MTMR14: variants seen among roughly 807,000 people sequenced by gnomAD.
The protein encoded by MTMR14 is phosphatidylinositol-3,5-bisphosphate 3-phosphatase MTMR14.
In MTMR14, 48 loss-of-function variants were observed where a neutral mutation model predicts 86.3. That is an observed-to-expected ratio of 0.56 (90% CI 0.44 to 0.71). The LOEUF (loss-of-function observed/expected upper bound fraction) is 0.71, where lower values mean the gene tolerates loss of function less well. Among genes scored for constraint, MTMR14 ranks in the 30% least tolerant of loss-of-function variants. MTMR14 has a pLI of 0.00. For synonymous variants in MTMR14, 366 were observed against 326.1 expected (o/e 1.12, Z -1.32); for missense variants, 780 against 834.6 (o/e 0.93, Z 0.81).
At chr3:9,656,760 A>G (rs2047631254) in intron 2 of MTMR14, among the ~76,000 whole-genome samples, 1 of 152,058 alleles carries the variant, frequency 6.6e-6, no homozygotes, top group African/African-American at 2.4e-5. Context: ...AAAGTTTCTG[A>G]ACAAGAGGGT....
Position 9,671,050 on chromosome 3 carries a change from G to A in MTMR14, c.557G>A (p.Ser186Asn), listed in dbSNP as rs1263017116. 23 of 1,614,032 alleles carry A rather than the reference G, an allele frequency of 1.4e-5. No individual in the cohort carries two copies. The highest frequency in any genetic ancestry group is 1.6e-4 in the Middle Eastern group (1 of 6,082). Residue 186 changes from serine (S) to asparagine (N), a missense_variant and splice_region_variant, in exon 6 of 19, where the codon AGT becomes AAT. Ser to Asn is a conservative substitution (Grantham distance 46). Coordinates refer to ENST00000296003, the MANE Select transcript of MTMR14 (RefSeq NM_001077525.3). The stretch of plus-strand genomic sequence containing the variant: ...CTCCCTCTGGCTCTTTATTTCAGAA[G>A]TGGTGACACGCATCTTTTTGATAAG... ...DVTEEDCALRSGDTHLFDKVR... is the reference protein window; with the variant it reads ...DVTEEDCALRNGDTHLFDKVR...
Position 9,697,755 on chromosome 3 carries a change from A to G in MTMR14, c.1658A>G (p.Tyr553Cys), listed in dbSNP as rs201626220. The change falls in exon 18 of 19, where the codon TAT (tyrosine) becomes TGT (cysteine). Residue 553 changes from tyrosine (Y) to cysteine (C), a missense_variant. Coordinates refer to ENST00000296003, the MANE Select transcript of MTMR14 (RefSeq NM_001077525.3). ...PLPGSSLSTDYGSWQMVTGCG... is the reference protein window; with the variant it reads ...PLPGSSLSTDCGSWQMVTGCG... ...CCCGGATCCTCTCTCTCCACAGACTATGGCAGCTGGCAGATGGTAACGGGC... is the reference window on the plus strand; with the variant it reads ...CCCGGATCCTCTCTCTCCACAGACTGTGGCAGCTGGCAGATGGTAACGGGC... The G allele has an allele frequency of 1.2e-4, 195 of 1,614,036 alleles. No homozygotes were observed. The African/African-American group carries it at 1.8e-3, about 15-fold the overall frequency.
intron 2 of MTMR14, among the ~76,000 whole-genome samples, chr3:9,658,827 G>A (rs2047759140): frequency 6.6e-6 from 1 of 152,212 alleles, no homozygotes; most frequent in Non-Finnish European, 1.5e-5. Context: ...ACCCAGTTTG[G>A]TAAGTGTGGT....
chr3:9,699,170 C>CAAA (rs113659946), intron 18 of MTMR14, among the ~76,000 whole-genome samples: 3 of 121,336 alleles, frequency 2.5e-5, no homozygotes, highest in African/African-American at 5.8e-5. Flanking sequence ...GAAACTCTCT[C>CAAA]AAAAAAAAAA....
chr3:9,674,523 CACGCCTTTAA>C (rs1249500269), intron 7 of MTMR14, among the ~76,000 whole-genome samples: 2 of 152,214 alleles, frequency 1.3e-5, no homozygotes, highest in Non-Finnish European at 2.9e-5. Context: ...CATGGTGGCT[CACGCCTTTAA>C]TCTCAGCACT....
At chr3:9,650,357 C>T (rs2047209325) in intron 1 of MTMR14, 1 of 456,582 alleles carries the variant, frequency 2.2e-6, no homozygotes, top group African/African-American at 2.0e-5. Context: ...GGAGGGCTTC[C>T]TGTCAGCTCA....
Position 9,690,161 on chromosome 3 carries a change from C to T in MTMR14, c.1613+18C>T. The T allele has an allele frequency of 6.2e-7, 1 of 1,613,156 alleles. No homozygotes were observed. The highest frequency in any genetic ancestry group is 8.5e-7 in the Non-Finnish European group (1 of 1,179,872). On this transcript the variant is annotated intron_variant, in intron 17 of 18. Coordinates refer to ENST00000296003, the MANE Select transcript of MTMR14 (RefSeq NM_001077525.3). ...AAACCCAGGTGAGGAGCTCCAAAGC[C>T]CTTGCTGTTGGAAGTGCCTAGCTTT...
chr3:9,665,230 C>T (rs371892683), intron 3 of MTMR14, among the ~76,000 whole-genome samples: 7 of 147,450 alleles, frequency 4.7e-5, no homozygotes, highest in East Asian at 4.0e-4. Flanking sequence ...TGCAGTGAGC[C>T]GAGATCGTGC....
At chr3:9,657,749 A>G (rs147682032) in intron 2 of MTMR14, among the ~76,000 whole-genome samples, 17 of 152,006 alleles carry the variant, frequency 1.1e-4, no homozygotes, top group African/African-American at 4.1e-4. Flanking sequence ...CGGGGTTTCA[A>G]CATCTTGGCC....
intron 1 of MTMR14, chr3:9,650,212 G>T: frequency 2.4e-6 from 1 of 421,516 alleles, no homozygotes. Flanking sequence ...GCATGACTTA[G>T]GCCCATCCCT....
intron 1 of MTMR14, 51 bp from the exon 2 acceptor site, chr3:9,653,570 C>T: frequency 6.2e-7 from 1 of 1,612,796 alleles, no homozygotes. Context: ...CTAATTCTCA[C>T]CCTCAGAACC....
chr3:9,702,068 A>G lies in MTMR14; in HGVS notation c.*95A>G, dbSNP rs2076477706. On this transcript the variant is annotated 3_prime_UTR_variant, in exon 19 of 19. Transcript: ENST00000296003. ...CTGGCCGAAGGGGTACTTCCAGGTC[A>G]GGGGAAATTTCAGTCCCCCATCTCC... The G allele has an allele frequency of 6.5e-7, 1 of 1,528,164 alleles. No homozygotes were observed. The highest frequency in any genetic ancestry group is 9.0e-7 in the Non-Finnish European group (1 of 1,111,926). 94.7% of individuals were successfully genotyped at this position (1,528,164 alleles called of 1,614,324 possible).
chr3:9,653,513 C>A, intron 1 of MTMR14, 108 bp from the exon 2 acceptor site: 1 of 1,386,094 alleles, frequency 7.2e-7, no homozygotes, highest in Non-Finnish European at 1.0e-6. Context: ...GAATAATTAT[C>A]ACCCAGGTAC....
intron 17 of MTMR14, among the ~76,000 whole-genome samples, chr3:9,691,805 C>T (rs542647585): frequency 6.6e-6 from 1 of 152,318 alleles, no homozygotes; most frequent in African/African-American, 2.4e-5. Context: ...GTCCTCCTGA[C>T]CTCAGAGCCC....
chr3:9,661,109 C>G (rs1000123355), intron 2 of MTMR14, among the ~76,000 whole-genome samples: 1 of 152,206 alleles, frequency 6.6e-6, no homozygotes, highest in South Asian at 2.1e-4. Flanking sequence ...CATGGCTTCT[C>G]TTATGCCTCC....
rs199732783 is a variant in MTMR14, at chr3:9,669,473, G to C, written c.535G>C (p.Glu179Gln). The stretch of plus-strand genomic sequence containing the variant: ...CTGGGCAGATGTGGAGGACGTCACG[G>C]AGGAGGACTGTGCTCTTCGGTCAGT... ...DAWADVEDVT[E>Q]EDCALRSGDT... The change falls in exon 5 of 19, where the codon GAG (glutamate) becomes CAG (glutamine). Residue 179 changes from glutamate to glutamine, a missense_variant. Glu to Gln is a conservative substitution (Grantham distance 29). Coordinates refer to ENST00000296003, the MANE Select transcript of MTMR14 (RefSeq NM_001077525.3). 76 of 1,613,732 alleles carry C rather than the reference G, an allele frequency of 4.7e-5. No homozygotes were observed. The highest frequency in any genetic ancestry group is 6.1e-5 in the Non-Finnish European group (72 of 1,179,726).
chr3:9,668,889 C>A, intron 4 of MTMR14, 95 bp downstream of exon 4: 1 of 1,323,256 alleles, frequency 7.6e-7, no homozygotes, highest in Non-Finnish European at 1.1e-6. Context: ...CCTGTAATCT[C>A]AACACTTTGG....
At chr3:9,667,568 T>C (rs1404711781) in intron 3 of MTMR14, among the ~76,000 whole-genome samples, 3 of 152,190 alleles carry the variant, frequency 2.0e-5, no homozygotes, top group Non-Finnish European at 4.4e-5. Flanking sequence ...CAGCCCTTGG[T>C]AGGCTTCCTC....
In MTMR14 at chr3:9,690,121, C is replaced by T. The variant is rs184298207; in HGVS notation, c.1591C>T (p.Pro531Ser). 1.2e-6 allele frequency: 2 copies of T among 1,613,778 alleles called. No homozygotes were observed. The highest frequency in any genetic ancestry group is 1.7e-6 in the Non-Finnish European group (2 of 1,180,018). Residue 531 changes from proline to serine, a missense_variant, in exon 17 of 19, where the codon CCC (proline) becomes TCC (serine). Coordinates refer to ENST00000296003, the MANE Select transcript of MTMR14 (RefSeq NM_001077525.3). ...TAACTTTTTCAGGATGGGTAGCAGTCCCCTGGAGGTCCCCAAACCCAGGTG... is the reference window on the plus strand; with the variant it reads ...TAACTTTTTCAGGATGGGTAGCAGTTCCCTGGAGGTCCCCAAACCCAGGTG... Reference protein sequence around the residue: ...SDNFFRMGSSPLEVPKPRSVD... With the variant: ...SDNFFRMGSSSLEVPKPRSVD...
Sources: gnomAD v4.1 joint callset for allele counts (sites outside exome capture counted in the v4.1 genomes callset) on GRCh38, gnomAD v4.1.1 for gene constraint, MANE v1.5 for transcripts, NCBI Gene and HGNC (gene_info 2026-07-23, HGNC 2026-07-21) for gene names.